The following TRIM2 variants were observed in gnomAD, a reference collection of about 807,000 sequenced individuals.
TRIM2 encodes tripartite motif-containing protein 2.
A neutral mutation model predicts 75.2 loss-of-function variants in TRIM2; 20 were observed. That is an observed-to-expected ratio of 0.27 (90% confidence interval 0.19 to 0.39). The LOEUF is 0.39. Ranked by LOEUF, TRIM2 falls within the 10% of genes least tolerant of loss-of-function variation. The pLI, the probability that TRIM2 is intolerant of heterozygous loss-of-function variation, is 1.00. For missense variants in TRIM2, 660 were observed against 990.8 expected, an observed-to-expected ratio of 0.67 and a Z score of 4.48; for synonymous variants, 373 against 388.3, an observed-to-expected ratio of 0.96 and a Z score of 0.46.
At chr4:153,206,235 C>A (rs751144137) in intron 1 of TRIM2, among the ~76,000 whole-genome samples, 33 of 152,224 alleles carry the variant, frequency 2.2e-4, no homozygotes, top group Non-Finnish European at 4.3e-4. Flanking sequence ...AGGCCAGTTG[C>A]AGGCTGAAGG....
intron 1 of TRIM2, among the ~76,000 whole-genome samples, chr4:153,170,846 C>T (rs559014278): frequency 6.6e-6 from 1 of 152,332 alleles, no homozygotes; most frequent in Admixed American, 6.5e-5. Context: ...ACACAAAGGG[C>T]TACTGGTGGG....
chr4:153,236,380 C>G (rs780901117), intron 1 of TRIM2, among the ~76,000 whole-genome samples: 1 of 152,100 alleles, frequency 6.6e-6, no homozygotes, highest in African/African-American at 2.4e-5. Context: ...CCTCACTGTG[C>G]CCCATACCTC....
chr4:153,197,745 C>T (rs554624643), intron 1 of TRIM2, among the ~76,000 whole-genome samples: 22 of 152,120 alleles, frequency 1.4e-4, no homozygotes, highest in South Asian at 1.0e-3. Context: ...TGGTGACGGG[C>T]GCCTGTAATC....
chr4:153,205,053 G>C (rs1251452348), intron 1 of TRIM2, among the ~76,000 whole-genome samples: 2 of 152,180 alleles, frequency 1.3e-5, no homozygotes, highest in Non-Finnish European at 2.9e-5. Flanking sequence ...AGAAATGTGG[G>C]AACAGTTTAG....
At chr4:153,163,848 A>G (rs1730015446) in intron 1 of TRIM2, among the ~76,000 whole-genome samples, 1 of 148,752 alleles carries the variant, frequency 6.7e-6, no homozygotes, top group African/African-American at 2.4e-5. Context: ...CCTAGGAAAC[A>G]TATCCCTGCT....
In TRIM2 at chr4:153,337,680, T is replaced by C. The variant is rs1772607365; in HGVS notation, c.*2714T>C. ...AAATTTTGTCACATTCTATGGAAAATGGTTTCTGGTAAACTGAGAAGGATA... is the reference window on the plus strand; with the variant it reads ...AAATTTTGTCACATTCTATGGAAAACGGTTTCTGGTAAACTGAGAAGGATA... On this transcript the variant is annotated 3_prime_UTR_variant, in exon 12 of 12. Coordinates refer to ENST00000338700, the MANE Select transcript of TRIM2 (RefSeq NM_015271.5). The C allele has an allele frequency of 2.8e-5, 28 of 985,834 alleles. 1 individual carries two copies. In the South Asian group the frequency reaches 1.2e-3, roughly 41 times the overall value. The allele number at this position is 985,834 out of a possible 1,614,324, so 61.1% of individuals were successfully genotyped here. A position where few individuals can be genotyped will look rare whatever the true frequency, so the allele number is the denominator to read the frequency against.
chr4:153,275,446 G>T (rs148231601), intron 2 of TRIM2, among the ~76,000 whole-genome samples: 1 of 152,310 alleles, frequency 6.6e-6, no homozygotes, highest in East Asian at 1.9e-4. Context: ...TATTTGATGT[G>T]TTTCTTTCAA....
intron 1 of TRIM2, among the ~76,000 whole-genome samples, chr4:153,171,656 C>T (rs58625595): frequency 0.47 from 70,860 of 151,404 alleles, 16,719 homozygotes; most frequent in African/African-American, 0.53. Context: ...AAAGATAGTA[C>T]GTCCTGGTTT....
chr4:153,236,776 C>T (rs963667139), intron 1 of TRIM2, among the ~76,000 whole-genome samples: 10 of 151,982 alleles, frequency 6.6e-5, no homozygotes, highest in African/African-American at 2.2e-4. Context: ...ACTGCAGCCT[C>T]GACCTCCTGG....
intron 1 of TRIM2, among the ~76,000 whole-genome samples, chr4:153,162,527 T>C (rs1729838267): frequency 6.6e-6 from 1 of 152,194 alleles, no homozygotes; most frequent in Admixed American, 6.5e-5. Flanking sequence ...CCACCCACAT[T>C]ATGGAGGGCA....
At chr4:153,285,403 T>C (rs764339298) in intron 3 of TRIM2, among the ~76,000 whole-genome samples, 1 of 152,224 alleles carries the variant, frequency 6.6e-6, no homozygotes, top group Non-Finnish European at 1.5e-5. Context: ...CAAGATTGTT[T>C]TGGCTATTTA....
At chr4:153,167,410 A>G (rs1400048597) in intron 1 of TRIM2, among the ~76,000 whole-genome samples, 2 of 152,226 alleles carry the variant, frequency 1.3e-5, no homozygotes, top group African/African-American at 4.8e-5. Context: ...ACCCATTGAA[A>G]AACATACCAT....
intron 3 of TRIM2, among the ~76,000 whole-genome samples, chr4:153,282,212 G>A (rs1305449830): frequency 2.0e-5 from 3 of 152,110 alleles, no homozygotes; most frequent in Non-Finnish European, 4.4e-5. Context: ...AGAATTACAC[G>A]CCCCACACAA....
intron 1 of TRIM2, among the ~76,000 whole-genome samples, chr4:153,252,888 G>C (rs564064016): frequency 1.6e-4 from 25 of 152,322 alleles, no homozygotes; most frequent in African/African-American, 5.8e-4. Context: ...AACTAATTCT[G>C]AGATGAACTT....
chr4:153,316,689 A>T (rs1448333140), intron 8 of TRIM2, among the ~76,000 whole-genome samples: 1 of 152,138 alleles, frequency 6.6e-6, no homozygotes, highest in African/African-American at 2.4e-5. Flanking sequence ...TTTTGCAAAT[A>T]AAAATTTAAC....
At chr4:153,244,417 CTT>C (rs1748377345) in intron 1 of TRIM2, among the ~76,000 whole-genome samples, 1 of 87,624 alleles carries the variant, frequency 1.1e-5, no homozygotes, top group Non-Finnish European at 2.2e-5. Flanking sequence ...TCTTCTTCTT[CTT>C]CTTCTTCTTC....
rs113767540 is a variant in TRIM2 at position 153,315,832 on chromosome 4, A to T, written c.1615A>T (p.Ile539Leu). ...CCAATGAATGTAATTTATCTTACAG[A>T]TATTTTCCAATGATGGCCAGTTCAA... Reference protein sequence around the residue: ...IADSNNQCVQIFSNDGQFKSR... With the variant: ...IADSNNQCVQLFSNDGQFKSR... Residue 539 changes from isoleucine (I) to leucine (L), a missense_variant and splice_region_variant, in exon 8 of 12, where the codon ATA becomes TTA. By Grantham distance (5) the Ile-to-Leu change is conservative. Around this residue, in one of 2 missense-constraint regions of TRIM2, gnomAD observed 620 missense variants for 891.0 expected, o/e 0.70. Coordinates refer to ENST00000338700, the MANE Select transcript of TRIM2 (RefSeq NM_015271.5). 1.4e-5 allele frequency: 22 copies of T among 1,614,028 alleles called. No individual in the cohort carries two copies. The highest frequency in any genetic ancestry group is 1.8e-5 in the Non-Finnish European group (21 of 1,180,040).
rs58198160 is a variant in TRIM2, at chr4:153,335,342, C to T, written c.*376C>T. ...AGCTTTTGCACAGAACTTCCAAAAG[C>T]AAAACAAAAACAAAATCTATTGTAG... On this transcript the variant is annotated 3_prime_UTR_variant, in exon 12 of 12. Coordinates refer to ENST00000338700, the MANE Select transcript of TRIM2 (RefSeq NM_015271.5). The T allele has an allele frequency of 9.0e-3, 8,970 of 993,086 alleles. 597 individuals carry two copies. In the African/African-American group the frequency reaches 0.14, roughly 16 times the overall value. 61.5% of individuals were successfully genotyped at this position (993,086 alleles called of 1,614,324 possible). A position where few individuals can be genotyped will look rare whatever the true frequency, so the allele number is the denominator to read the frequency against.
At chr4:153,334,413 A>T (rs1772171465) in intron 11 of TRIM2, among the ~76,000 whole-genome samples, 1 of 147,820 alleles carries the variant, frequency 6.8e-6, no homozygotes. Context: ...TTTTTTTAAG[A>T]GACGGGGTCT....
Sources: gnomAD v4.1 joint callset for allele counts (sites outside exome capture counted in the v4.1 genomes callset) on GRCh38, gnomAD v4.1.1 for gene constraint, gnomAD v4.1.1 regional missense constraint, MANE v1.5 for transcripts, NCBI Gene and HGNC (gene_info 2026-07-23, HGNC 2026-07-21) for gene names.